NOVA1: variants seen among roughly 807,000 people sequenced by gnomAD.
NOVA1 encodes the protein RNA-binding protein Nova-1.
Under a neutral mutation model 38.0 loss-of-function variants are expected in NOVA1, and 7 were observed. The observed-to-expected ratio is 0.18, with a 90% CI of 0.10 to 0.35. NOVA1 has a LOEUF of 0.35. NOVA1 is among the 10% of genes least tolerant of loss of function. The probability of loss-of-function intolerance (pLI) is 1.00; values close to 1 mark genes in which losing one functional copy is unlikely to be tolerated. For missense variants in NOVA1, 460 were observed against 616.0 expected (o/e 0.75, Z 2.68); for synonymous variants, 270 against 232.5 (o/e 1.16, Z -1.47).
At chr14:26,502,344 G>T (rs1484666150) in intron 2 of NOVA1, among the ~76,000 whole-genome samples, 1 of 151,770 alleles carries the variant, frequency 6.6e-6, no homozygotes, top group Non-Finnish European at 1.5e-5. Context: ...TAAGCCTGTG[G>T]TGCTAAAGAT....
At chr14:26,450,651 G>A (rs576568050) in intron 4 of NOVA1, among the ~76,000 whole-genome samples, 2 of 152,118 alleles carry the variant, frequency 1.3e-5, no homozygotes, top group South Asian at 4.2e-4. Flanking sequence ...TGTTAGTTTT[G>A]CTCACAGACA....
intron 2 of NOVA1, among the ~76,000 whole-genome samples, chr14:26,525,890 T>C (rs144588842): frequency 5.1e-4 from 77 of 152,230 alleles, no homozygotes; most frequent in African/African-American, 1.4e-3. Context: ...ATTTTAAATA[T>C]AGTAGTATGG....
At chr14:26,553,593 G>A (rs1370907057) in intron 2 of NOVA1, among the ~76,000 whole-genome samples, 2 of 152,048 alleles carry the variant, frequency 1.3e-5, no homozygotes, top group Non-Finnish European at 2.9e-5. Context: ...TGGAAGACAA[G>A]GTACAGATAA....
chr14:26,490,567 T>G (rs545804171), intron 2 of NOVA1, among the ~76,000 whole-genome samples: 2 of 152,246 alleles, frequency 1.3e-5, no homozygotes, highest in Non-Finnish European at 2.9e-5. Context: ...AGTTTCGATT[T>G]GCACTTTACT....
intron 2 of NOVA1, among the ~76,000 whole-genome samples, chr14:26,563,932 G>C (rs1891977746): frequency 6.6e-6 from 1 of 152,024 alleles, no homozygotes; most frequent in African/African-American, 2.4e-5. Flanking sequence ...GGTTGTATCT[G>C]AACTAGTTTC....
At chr14:26,572,168 T>C (rs1215550394) in intron 2 of NOVA1, among the ~76,000 whole-genome samples, 1 of 152,134 alleles carries the variant, frequency 6.6e-6, no homozygotes, top group Non-Finnish European at 1.5e-5. Flanking sequence ...TAAAGTACAG[T>C]TGTAAGTGAA....
At chr14:26,581,748 C>A (rs1249506234) in intron 2 of NOVA1, among the ~76,000 whole-genome samples, 3 of 151,860 alleles carry the variant, frequency 2.0e-5, no homozygotes, top group African/African-American at 7.2e-5. Flanking sequence ...ATAAATCTTA[C>A]TTAAATTTTG....
chr14:26,566,390 G>C (rs182227891), intron 2 of NOVA1, among the ~76,000 whole-genome samples: 1 of 152,134 alleles, frequency 6.6e-6, no homozygotes, highest in Admixed American at 6.5e-5. Context: ...TCCAATGATT[G>C]TAAGTGAGTA....
chr14:26,540,493 T>C (rs985675205), intron 2 of NOVA1, among the ~76,000 whole-genome samples: 2 of 152,188 alleles, frequency 1.3e-5, no homozygotes, highest in Non-Finnish European at 2.9e-5. Flanking sequence ...AAATGGCATG[T>C]AACCATATTT....
chr14:26,554,648 T>C (rs1891375873), intron 2 of NOVA1, among the ~76,000 whole-genome samples: 1 of 152,164 alleles, frequency 6.6e-6, no homozygotes, highest in African/African-American at 2.4e-5. Flanking sequence ...AAGGTCACAC[T>C]GGAGAAAAAT....
intron 4 of NOVA1, among the ~76,000 whole-genome samples, chr14:26,469,655 T>A (rs1321438269): frequency 6.6e-6 from 1 of 152,170 alleles, no homozygotes; most frequent in Non-Finnish European, 1.5e-5. Context: ...AGTGGCATGA[T>A]CATGGCTCAC....
chr14:26,451,738 AT>A (rs945750504), intron 4 of NOVA1, among the ~76,000 whole-genome samples: 2 of 152,200 alleles, frequency 1.3e-5, no homozygotes, highest in Non-Finnish European at 2.9e-5. Flanking sequence ...TCTTCCAAAA[AT>A]ATCCATATTT....
chr14:26,493,548 C>T (rs1031701069), intron 2 of NOVA1, among the ~76,000 whole-genome samples: 2 of 152,158 alleles, frequency 1.3e-5, no homozygotes, highest in African/African-American at 4.8e-5. Context: ...TATATTCATG[C>T]ACTATCACAG....
At chr14:26,576,956 G>C (rs1892891711) in intron 2 of NOVA1, among the ~76,000 whole-genome samples, 1 of 151,680 alleles carries the variant, frequency 6.6e-6, no homozygotes, top group Non-Finnish European at 1.5e-5. Context: ...TAGATCTCTA[G>C]ACTTATTCAT....
chr14:26,504,037 T>C (rs1183854542), intron 2 of NOVA1, among the ~76,000 whole-genome samples: 2 of 152,148 alleles, frequency 1.3e-5, no homozygotes, highest in Admixed American at 6.5e-5. Flanking sequence ...TTGTAAAACA[T>C]GACATTTTCT....
intron 2 of NOVA1, 44 bp from the exon 3 acceptor site, chr14:26,480,187 C>T: frequency 6.5e-7 from 1 of 1,526,898 alleles, no homozygotes. Flanking sequence ...CCACACTTTG[C>T]ATTAAAAAAA....
chr14:26,517,980 A>G (rs1888593397), intron 2 of NOVA1, among the ~76,000 whole-genome samples: 1 of 152,156 alleles, frequency 6.6e-6, no homozygotes, highest in African/African-American at 2.4e-5. Flanking sequence ...AACTATTCTG[A>G]TGAAATGCAA....
rs36218600 is a variant in NOVA1 at position 26,583,881 on chromosome 14, TCACACACACACACACACACA to T, written c.280+11509_280+11528del. ...CTTTAGCGTTTGAACAGCATCAAATTCACACACACACACACACACACACACACACACACACACACATATAT... is the reference window on the plus strand; with the variant it reads ...CTTTAGCGTTTGAACAGCATCAAATTCACACACACACACACACACATATAT... On this transcript the variant is annotated intron_variant, in intron 2 of 4. Transcript: ENST00000539517. Among the ~76,000 whole-genome samples the T allele has an allele frequency of 4.1e-5, 6 of 146,032 alleles. No individual in the cohort carries two copies. The South Asian group carries it at 6.5e-4, about 16-fold the overall frequency.
chr14:26,574,267 A>ACACC (rs1566550098), intron 2 of NOVA1, among the ~76,000 whole-genome samples: 5 of 47,924 alleles, frequency 1.0e-4, no homozygotes, highest in Non-Finnish European at 1.1e-4. Flanking sequence ...CTCGTGATCC[A>ACACC]CCCCCCCCCC....
Sources: gnomAD v4.1 joint callset for allele counts (sites outside exome capture counted in the v4.1 genomes callset) on GRCh38, gnomAD v4.1.1 for gene constraint, MANE v1.5 for transcripts, NCBI Gene and HGNC (gene_info 2026-07-23, HGNC 2026-07-21) for gene names.